Variants in ZEB1 observed in about 807,000 individuals in gnomAD.
ZEB1 encodes zinc finger E-box-binding homeobox 1.
ZEB1 carries 21 observed loss-of-function variants against 84.9 expected under a neutral mutation model. That is an observed-to-expected ratio of 0.25 (90% confidence interval 0.18 to 0.36). ZEB1 has a LOEUF of 0.36. Ranked by LOEUF, ZEB1 falls within the 10% of genes least tolerant of loss-of-function variation. The pLI, the probability that ZEB1 is intolerant of heterozygous loss-of-function variation, is 1.00. For synonymous variants in ZEB1, 420 were observed against 471.1 expected (o/e 0.89, Z 1.41); for missense variants, 1,104 against 1,330.2 (o/e 0.83, Z 2.65).
chr10:31,342,554 T>C (rs1418304463), intron 1 of ZEB1, among the ~76,000 whole-genome samples: 1 of 152,126 alleles, frequency 6.6e-6, no homozygotes, highest in Non-Finnish European at 1.5e-5. Flanking sequence ...TAGGCGTCGA[T>C]GTAGATGTTG....
intron 2 of ZEB1, among the ~76,000 whole-genome samples, chr10:31,481,317 C>T (rs1039056601): frequency 6.6e-6 from 1 of 151,890 alleles, no homozygotes; most frequent in Non-Finnish European, 1.5e-5. Flanking sequence ...TATTTCCAAG[C>T]CCTGCCTACT....
chr10:31,321,459 T>G (rs2034023596), intron 1 of ZEB1: 3 of 1,614,024 alleles, frequency 1.9e-6, no homozygotes, highest in African/African-American at 1.3e-5. Flanking sequence ...AATTTTAATT[T>G]CCTGTTTTAG....
intron 1 of ZEB1, among the ~76,000 whole-genome samples, chr10:31,364,076 C>CT (rs1287152833): frequency 6.6e-6 from 1 of 152,178 alleles, no homozygotes; most frequent in Non-Finnish European, 1.5e-5. Flanking sequence ...ACAGACGAAA[C>CT]TAAGGGTCAG....
At chr10:31,441,713 A>G (rs2059015624) in intron 1 of ZEB1, among the ~76,000 whole-genome samples, 1 of 152,248 alleles carries the variant, frequency 6.6e-6, no homozygotes, top group African/African-American at 2.4e-5. Flanking sequence ...ATTTACAAGA[A>G]AAAAACAACC....
chr10:31,362,159 GC>G (rs1180852757), intron 1 of ZEB1, among the ~76,000 whole-genome samples: 2 of 150,642 alleles, frequency 1.3e-5, no homozygotes, highest in Non-Finnish European at 3.0e-5. Flanking sequence ...CCCAGATGGG[GC>G]GGCGGCTGGG....
chr10:31,451,717 G>A lies in ZEB1; in HGVS notation c.59-9320G>A, dbSNP rs567602010. ...TGTTTCATCTATCTGTGAGTTGTAC[G>A]AACACTGGCTGAAATTAGCTCATTG... On this transcript the variant is annotated intron_variant, in intron 1 of 8. Transcript: ENST00000424869. 1.1e-4 allele frequency among the ~76,000 whole-genome samples: 16 copies of A among 152,198 alleles called. No individual in the cohort carries two copies. The East Asian group carries it at 2.9e-3, about 28-fold the overall frequency.
intron 4 of ZEB1, among the ~76,000 whole-genome samples, chr10:31,505,343 G>A (rs1290560791): frequency 6.6e-6 from 1 of 152,036 alleles, no homozygotes; most frequent in Non-Finnish European, 1.5e-5. Flanking sequence ...CAGTTTTTTG[G>A]AATAGTTTGA....
chr10:31,329,749 A>G (rs1161109347), intron 1 of ZEB1, among the ~76,000 whole-genome samples: 1 of 152,136 alleles, frequency 6.6e-6, no homozygotes, highest in Non-Finnish European at 1.5e-5. Context: ...ATTCTAGTAG[A>G]TGAGTGGTAG....
At chr10:31,446,624 G>C (rs1346031755) in intron 1 of ZEB1, among the ~76,000 whole-genome samples, 1 of 151,860 alleles carries the variant, frequency 6.6e-6, no homozygotes, top group African/African-American at 2.4e-5. Context: ...CTTTGTTCTC[G>C]TTGGTTTCAA....
At chr10:31,402,091 T>TTTGTTGTTGTTGTTGTTGCTG (rs2052137089) in intron 1 of ZEB1, among the ~76,000 whole-genome samples, 1 of 151,228 alleles carries the variant, frequency 6.6e-6, no homozygotes. Context: ...AAGTCAGTAT[T>TTTGTTGTTGTTGTTGTTGCTG]TTGTTGTTGT....
intron 2 of ZEB1, among the ~76,000 whole-genome samples, chr10:31,490,705 G>A (rs867913656): frequency 6.6e-6 from 1 of 151,378 alleles, no homozygotes; most frequent in Non-Finnish European, 1.5e-5. Context: ...CTTTTCCTAT[G>A]TGACTTGAGA....
intron 1 of ZEB1, among the ~76,000 whole-genome samples, chr10:31,414,512 A>G (rs1327723014): frequency 6.6e-6 from 1 of 152,220 alleles, no homozygotes; most frequent in African/African-American, 2.4e-5. Flanking sequence ...ATACTTTAAA[A>G]TAAATTTGAA....
At chr10:31,454,445 AG>A (rs2060960245) in intron 1 of ZEB1, among the ~76,000 whole-genome samples, 3 of 152,184 alleles carry the variant, frequency 2.0e-5, no homozygotes, top group Admixed American at 1.3e-4. Flanking sequence ...AAAGAAATAA[AG>A]GGTATTCAAA....
chr10:31,385,440 A>T (rs2048450049), intron 1 of ZEB1, among the ~76,000 whole-genome samples: 1 of 152,094 alleles, frequency 6.6e-6, no homozygotes, highest in Non-Finnish European at 1.5e-5. Context: ...AAGTATACAC[A>T]TTCAGTCCTT....
chr10:31,452,732 TGTGTGTGTGTGAGAGAGA>T (rs1313083283), intron 1 of ZEB1, among the ~76,000 whole-genome samples: 2 of 111,892 alleles, frequency 1.8e-5, no homozygotes, highest in African/African-American at 1.0e-4. Context: ...TGTGTGTGTG[TGTGTGTGTGTGAGAGAGA>T]GAGAGAGAGA....
intron 1 of ZEB1, among the ~76,000 whole-genome samples, chr10:31,404,911 A>G (rs1467279587): frequency 1.3e-5 from 2 of 152,148 alleles, no homozygotes; most frequent in African/African-American, 4.8e-5. Flanking sequence ...GAAAAAGAGC[A>G]GGCTGGCTTC....
chr10:31,382,193 A>G (rs2047815341), intron 1 of ZEB1, among the ~76,000 whole-genome samples: 1 of 151,906 alleles, frequency 6.6e-6, no homozygotes, highest in Non-Finnish European at 1.5e-5. Context: ...GTCAATACAT[A>G]TGTGAAACCA....
intron 1 of ZEB1, among the ~76,000 whole-genome samples, chr10:31,336,205 A>T (rs1332057376): frequency 6.6e-6 from 1 of 152,186 alleles, no homozygotes; most frequent in African/African-American, 2.4e-5. Context: ...TGACACGCTA[A>T]TCCAAAAACT....
At chr10:31,375,498 T>A (rs2046469477) in intron 1 of ZEB1, among the ~76,000 whole-genome samples, 1 of 151,860 alleles carries the variant, frequency 6.6e-6, no homozygotes, top group Non-Finnish European at 1.5e-5. Context: ...CACATAATTA[T>A]GTAAATATTG....
Sources: gnomAD v4.1 joint callset for allele counts (sites outside exome capture counted in the v4.1 genomes callset) on GRCh38, gnomAD v4.1.1 for gene constraint, MANE v1.5 for transcripts, NCBI Gene and HGNC (gene_info 2026-07-23, HGNC 2026-07-21) for gene names.